The following ROBO2 variants were observed in gnomAD, a reference collection of about 807,000 sequenced individuals.
The protein encoded by ROBO2 is roundabout guidance receptor 2, also known as roundabout homolog 2.
Under a neutral mutation model 160.8 loss-of-function variants are expected in ROBO2, and 53 were observed. That is an observed-to-expected ratio of 0.33 (90% confidence interval 0.26 to 0.41). The LOEUF is 0.41. Among genes scored for constraint, ROBO2 ranks in the 10% least tolerant of loss-of-function variants. The pLI is 1.00. For synonymous variants in ROBO2, 664 were observed against 611.7 expected (o/e 1.09, Z -1.26); for missense variants, 1,577 against 1,722.4 (o/e 0.92, Z 1.49).
At chr3:76,083,733 G>A (rs761591265) in intron 2 of ROBO2, among the ~76,000 whole-genome samples, 50 of 152,128 alleles carry the variant, frequency 3.3e-4, no homozygotes, top group Non-Finnish European at 3.7e-4. Flanking sequence ...CTTATTTCCC[G>A]TTTGAATGTC....
intron 2 of ROBO2, among the ~76,000 whole-genome samples, chr3:76,420,002 T>C (rs1444732158): frequency 6.6e-6 from 1 of 152,184 alleles, no homozygotes; most frequent in Admixed American, 6.6e-5. Context: ...CTGGACTATA[T>C]GCAGTTCTTC....
intron 2 of ROBO2, among the ~76,000 whole-genome samples, chr3:76,328,024 A>G (rs2073162679): frequency 2.0e-5 from 3 of 152,178 alleles, no homozygotes; most frequent in Non-Finnish European, 2.9e-5. Flanking sequence ...GGGGAAAAAA[A>G]AAGAAGAAAC....
intron 2 of ROBO2, among the ~76,000 whole-genome samples, chr3:76,830,704 C>G (rs534262317): frequency 4.0e-5 from 6 of 150,728 alleles, no homozygotes; most frequent in African/African-American, 1.5e-4. Flanking sequence ...GGGCTGGGCA[C>G]GGTGGCTCAC....
chr3:76,836,887 A>G (rs1166948), intron 2 of ROBO2, among the ~76,000 whole-genome samples: 71,285 of 151,526 alleles, frequency 0.47, 17,578 homozygotes, highest in Middle Eastern at 0.57. Context: ...GCAAATATCA[A>G]TTAGGTCGAT....
At chr3:76,860,763 A>G (rs1224815918) in intron 2 of ROBO2, among the ~76,000 whole-genome samples, 3 of 148,802 alleles carry the variant, frequency 2.0e-5, no homozygotes, top group South Asian at 4.4e-4. Context: ...AGATTTAACA[A>G]CAAACAAAAA....
At chr3:76,595,611 T>A (rs1014674486) in intron 2 of ROBO2, among the ~76,000 whole-genome samples, 1 of 152,028 alleles carries the variant, frequency 6.6e-6, no homozygotes, top group Non-Finnish European at 1.5e-5. Context: ...AATTACAGAT[T>A]ATATATGAGT....
At chr3:76,633,604 T>C (rs9858143) in intron 2 of ROBO2, among the ~76,000 whole-genome samples, 37,328 of 152,082 alleles carry the variant, frequency 0.25, 5,181 homozygotes, top group African/African-American at 0.38. Context: ...CCTGGGAACA[T>C]GGCCTGGTTG....
At chr3:76,555,383 AG>A (rs2083674278) in intron 2 of ROBO2, among the ~76,000 whole-genome samples, 2 of 66,406 alleles carry the variant, frequency 3.0e-5, no homozygotes, top group Non-Finnish European at 9.3e-5. Flanking sequence ...AAGAAGAAGA[AG>A]AAGAAGAAGA....
intron 2 of ROBO2, among the ~76,000 whole-genome samples, chr3:76,051,665 GAAAAT>G (rs979603042): frequency 6.6e-6 from 1 of 151,916 alleles, no homozygotes; most frequent in Non-Finnish European, 1.5e-5. Context: ...TGACAGCAAA[GAAAAT>G]AAAATAAAAA....
chr3:76,931,668 C>T (rs1332586954), intron 2 of ROBO2, among the ~76,000 whole-genome samples: 5 of 151,696 alleles, frequency 3.3e-5, no homozygotes, highest in Non-Finnish European at 5.9e-5. Context: ...ATTATATTTA[C>T]GGGGATGTTA....
At chr3:77,502,937 A>G (rs1050454730) in intron 5 of ROBO2, among the ~76,000 whole-genome samples, 7 of 152,190 alleles carry the variant, frequency 4.6e-5, no homozygotes, top group Non-Finnish European at 1.0e-4. Context: ...GAACTCTTCT[A>G]GGGTATTGAT....
At chr3:77,073,092 T>A (rs1437462086) in intron 1 of ROBO2, among the ~76,000 whole-genome samples, 2 of 152,160 alleles carry the variant, frequency 1.3e-5, no homozygotes, top group Non-Finnish European at 2.9e-5. Flanking sequence ...AAAGGCTTAA[T>A]AGATATGAAA....
At chr3:76,013,517 G>A (rs1473783167) in intron 2 of ROBO2, among the ~76,000 whole-genome samples, 1 of 151,460 alleles carries the variant, frequency 6.6e-6, no homozygotes, top group Non-Finnish European at 1.5e-5. Flanking sequence ...TGGAGGCTGG[G>A]CACTGTGGTT....
At chr3:76,138,904 G>GA (rs944454213) in intron 2 of ROBO2, among the ~76,000 whole-genome samples, 19 of 152,082 alleles carry the variant, frequency 1.2e-4, no homozygotes, top group African/African-American at 4.3e-4. Context: ...TACCTGAAGG[G>GA]AAAATCCTTT....
chr3:77,627,670 G>C (rs879915356), intron 23 of ROBO2, among the ~76,000 whole-genome samples: 2 of 152,170 alleles, frequency 1.3e-5, no homozygotes, highest in Admixed American at 1.3e-4. Context: ...TTTTCTACGT[G>C]TAGGCAAAGG....
At chr3:77,579,773 T>C (rs2153675055) in intron 15 of ROBO2, among the ~76,000 whole-genome samples, 174 bp from the exon 17 acceptor site, 1 of 152,314 alleles carries the variant, frequency 6.6e-6, no homozygotes, top group Admixed American at 6.5e-5. Context: ...CAAACACACT[T>C]ACATATACAC....
intron 2 of ROBO2, among the ~76,000 whole-genome samples, chr3:76,382,411 A>AC (rs1017050053): frequency 6.6e-5 from 10 of 152,130 alleles, no homozygotes; most frequent in African/African-American, 2.2e-4. Flanking sequence ...ACACGGTGGA[A>AC]CCCCGTCTCT....
chr3:76,164,586 T>A (rs1367561224), intron 2 of ROBO2, among the ~76,000 whole-genome samples: 2 of 152,188 alleles, frequency 1.3e-5, no homozygotes, highest in Admixed American at 1.3e-4. Flanking sequence ...AGTTCTTGGA[T>A]GACCAAGAGC....
At chr3:76,607,641 T>C (rs1227289590) in intron 2 of ROBO2, among the ~76,000 whole-genome samples, 1 of 152,192 alleles carries the variant, frequency 6.6e-6, no homozygotes, top group Non-Finnish European at 1.5e-5. Context: ...CAGTAAATGA[T>C]TGGATGTTCT....
Sources: allele counts gnomAD v4.1 joint callset (sites outside exome capture counted in the v4.1 genomes callset), GRCh38; gene constraint gnomAD v4.1.1; transcripts MANE v1.5; gene names NCBI Gene and HGNC (gene_info 2026-07-23, HGNC 2026-07-21).